The following ZNF786 variants were observed in gnomAD, a reference collection of about 807,000 sequenced individuals.
The protein encoded by ZNF786 is zinc finger protein 786.
ZNF786 carries 56 observed loss-of-function variants against 63.1 expected under a neutral mutation model. The observed-to-expected ratio is 0.89, with a 90% CI of 0.72 to 1.11. ZNF786 has a LOEUF of 1.11. Among genes scored for constraint, ZNF786 ranks in the 50% least tolerant of loss-of-function variants. The probability of loss-of-function intolerance (pLI) is 0.00; values close to 1 mark genes in which losing one functional copy is unlikely to be tolerated. For missense variants in ZNF786, 1,213 were observed against 1,041.8 expected (o/e 1.16, Z -2.26); for synonymous variants, 485 against 406.9 (o/e 1.19, Z -2.31).
rs199928657 is a variant in ZNF786 at position 149,071,231 on chromosome 7, C to T, written c.1541G>A (p.Cys514Tyr). Residue 514 changes from cysteine (C) to tyrosine (Y), a missense_variant, in exon 4 of 4, where the codon TGT (cysteine) becomes TAT (tyrosine). Transcript: ENST00000491431. The part of the protein sequence containing the change: ...GGERPFSCSE[C>Y]GRGFTHQCKL... ...GCACTGGTGGGTGAAGCCTCTGCCA[C>T]ACTCGCTACAGGAGAACGGCCTCTC... 6.2e-7 allele frequency: 1 copy of T among 1,611,324 alleles called. No homozygotes were observed. Among genetic ancestry groups the T allele is most frequent in the East Asian group, 2.2e-5 (1 of 44,810 alleles).
At chr7:149,075,074 C>G (rs1825520679) in intron 2 of ZNF786, among the ~76,000 whole-genome samples, 1 of 152,136 alleles carries the variant, frequency 6.6e-6, no homozygotes, top group East Asian at 1.9e-4. Flanking sequence ...AGCAGTCTGC[C>G]TGCCTTGGCC....
chr7:149,083,239 G>A (rs760312715), intron 1 of ZNF786, among the ~76,000 whole-genome samples: 6 of 150,210 alleles, frequency 4.0e-5, no homozygotes, highest in South Asian at 2.1e-4. Flanking sequence ...TTTTTGAGAC[G>A]GAGTTTTGCT....
At chr7:149,084,351 CAAAAAAA>C (rs60194366) in intron 1 of ZNF786, among the ~76,000 whole-genome samples, 1 of 62,294 alleles carries the variant, frequency 1.6e-5, no homozygotes, top group African/African-American at 5.3e-5. Flanking sequence ...AACTGCATCC[CAAAAAAA>C]AAAAAAAAAA....
intron 2 of ZNF786, among the ~76,000 whole-genome samples, chr7:149,079,183 C>T (rs750956617): frequency 1.3e-5 from 2 of 151,964 alleles, no homozygotes; most frequent in African/African-American, 2.4e-5. Context: ...CTGAGGAGGG[C>T]GGATCACGAG....
At position 149,071,518 on chromosome 7, in the gene ZNF786, C is replaced by A; in HGVS notation, c.1254G>T (p.Ala418=). ...AGGAGAACGGTCTCTCCCCACCGTG[C>A]GCGTGCTGGTGGACCTGCAGCAGGC... ...LRRLLQVHQH[A]HGGERPFSCR... The change falls in exon 4 of 4, where the codon GCG becomes GCT. Residue 418 remains alanine (A), a synonymous_variant. Coordinates refer to ENST00000491431, the MANE Select transcript of ZNF786 (RefSeq NM_152411.4). 1 of 1,613,302 alleles carries A rather than the reference C, an allele frequency of 6.2e-7. No individual in the cohort carries two copies. The highest frequency in any genetic ancestry group is 8.5e-7 in the Non-Finnish European group (1 of 1,179,874).
chr7:149,082,361 T>C (rs1464343330), intron 1 of ZNF786: 2 of 185,854 alleles, frequency 1.1e-5, no homozygotes, highest in African/African-American at 4.7e-5. Context: ...AAATGCAGTG[T>C]ATGCAAATGT....
chr7:149,087,698 A>G (rs146851349), intron 1 of ZNF786, among the ~76,000 whole-genome samples: 99 of 151,478 alleles, frequency 6.5e-4, no homozygotes, highest in African/African-American at 2.2e-3. Context: ...TTTCCATCTC[A>G]TTTCAGATAA....
At position 149,071,352 on chromosome 7, in the gene ZNF786, G is replaced by A. The variant is rs1477565809; in HGVS notation, c.1420C>T (p.Leu474=). The change falls in exon 4 of 4, where the codon CTG becomes TTG. Residue 474 remains leucine, a synonymous_variant. Transcript: ENST00000491431. ...QRGQLLRHQR[L]HTDEKPFQCP... ...TGAAAGGGCTTCTCGTCCGTGTGCA[G>A]CCGCTGGTGCCGCAGCAGCTGTCCC... 2 of 1,612,944 alleles carry A rather than the reference G, an allele frequency of 1.2e-6. No homozygotes were observed. The highest frequency in any genetic ancestry group is 1.7e-6 in the Non-Finnish European group (2 of 1,179,770).
intron 1 of ZNF786, among the ~76,000 whole-genome samples, chr7:149,081,767 GAGAA>G (rs1368265889): frequency 6.6e-6 from 1 of 152,076 alleles, no homozygotes; most frequent in Admixed American, 6.6e-5. Flanking sequence ...AATCAAGCAA[GAGAA>G]AGAAATAAAG....
intron 3 of ZNF786, among the ~76,000 whole-genome samples, chr7:149,073,764 TA>T (rs1825488676): frequency 9.4e-6 from 1 of 106,442 alleles, no homozygotes; most frequent in South Asian, 3.8e-4. Context: ...TATATATATA[TA>T]TATATATATA....
Position 149,071,620 on chromosome 7 carries a change from G to T in ZNF786, c.1152C>A (p.Leu384=). 6.3e-7 allele frequency: 1 copy of T among 1,589,778 alleles called. No individual in the cohort carries two copies. The highest frequency in any genetic ancestry group is 1.3e-5 in the African/African-American group (1 of 74,686). Residue 384 remains leucine (L), a synonymous_variant, in exon 4 of 4, where the codon CTC becomes CTA. Coordinates refer to ENST00000491431, the MANE Select transcript of ZNF786 (RefSeq NM_152411.4). Reference sequence around the variant, plus strand: ...CAGTATGCGCCCTGCAGGGGCTGGCGAGCCTGGCGCTCATAGGGGAGCGCT... The same window carrying T: ...CAGTATGCGCCCTGCAGGGGCTGGCTAGCCTGGCGCTCATAGGGGAGCGCT... The part of the protein sequence containing the change: ...CGERSPMSAR[L]ASPCRAHTGE...
chr7:149,080,946 A>G (rs1825641527), intron 1 of ZNF786, among the ~76,000 whole-genome samples: 2 of 152,182 alleles, frequency 1.3e-5, no homozygotes, highest in Admixed American at 6.6e-5. Context: ...ATATATACAC[A>G]TGTAGAGTAT....
intron 2 of ZNF786, among the ~76,000 whole-genome samples, chr7:149,079,295 G>C (rs922333152): frequency 2.1e-4 from 32 of 151,822 alleles, no homozygotes; most frequent in African/African-American, 7.5e-4. Flanking sequence ...TGTAGTCCCA[G>C]CTACTCGGGA....
rs1231954664 is a variant in ZNF786, at chr7:149,071,646, C to T, written c.1126G>A (p.Glu376Lys). The T allele has an allele frequency of 1.3e-6, 2 of 1,572,560 alleles. No homozygotes were observed. The highest frequency in any genetic ancestry group is 1.1e-5 in the South Asian group (1 of 87,456). Reference sequence around the variant, plus strand: ...AGCCTGGCGCTCATAGGGGAGCGCTCGCCACACTCCGAGCAGGAGCAGGGC... The same window carrying T: ...AGCCTGGCGCTCATAGGGGAGCGCTTGCCACACTCCGAGCAGGAGCAGGGC... The part of the protein sequence containing the change: ...EGPCSCSECG[E>K]RSPMSARLAS... The change falls in exon 4 of 4, where the codon GAG (glutamate) becomes AAG (lysine). Residue 376 changes from glutamate to lysine, a missense_variant. Transcript: ENST00000491431.
At position 149,072,110 on chromosome 7, in the gene ZNF786, A is replaced by C. The variant is rs1772524263; in HGVS notation, c.662T>G (p.Phe221Cys). 6.2e-7 allele frequency: 1 copy of C among 1,613,030 alleles called. No homozygotes were observed. Among genetic ancestry groups the C allele is most frequent in the Admixed American group, 1.7e-5 (1 of 59,860 alleles). ...KDRTRRAWEK[F>C]NKRAETQMPW... ...CATCTGCGTCTCCGCCCTCTTGTTG[A>C]ATTTCTCCCAGGCCCTACGTGTCCG... Residue 221 changes from phenylalanine (F) to cysteine (C), a missense_variant, in exon 4 of 4, where the codon TTC becomes TGC. Transcript: ENST00000491431.
At chr7:149,072,906 T>C (rs35376074) in intron 3 of ZNF786, among the ~76,000 whole-genome samples, 2 of 152,178 alleles carry the variant, frequency 1.3e-5, no homozygotes, top group Non-Finnish European at 2.9e-5. Flanking sequence ...GCATAGTGCA[T>C]GTACTCTGTT....
intron 1 of ZNF786, among the ~76,000 whole-genome samples, chr7:149,086,445 T>C (rs1449155339): frequency 6.6e-6 from 1 of 152,152 alleles, no homozygotes; most frequent in Non-Finnish European, 1.5e-5. Flanking sequence ...TTTGCCAATA[T>C]GGCTAAACCC....
At chr7:149,089,318 AGTTT>A (rs1309228395) in intron 1 of ZNF786, among the ~76,000 whole-genome samples, 1 of 140,724 alleles carries the variant, frequency 7.1e-6, no homozygotes, top group East Asian at 2.2e-4. Flanking sequence ...GAATGTCACA[AGTTT>A]GTTTGTTTTT....
At chr7:149,078,435 A>T (rs1825596491) in intron 2 of ZNF786, among the ~76,000 whole-genome samples, 1 of 152,184 alleles carries the variant, frequency 6.6e-6, no homozygotes, top group African/African-American at 2.4e-5. Flanking sequence ...CTGTAATCCC[A>T]GCACTTTGGG....
Sources: gnomAD v4.1 joint callset for allele counts (sites outside exome capture counted in the v4.1 genomes callset) on GRCh38, gnomAD v4.1.1 for gene constraint, MANE v1.5 for transcripts, NCBI Gene and HGNC (gene_info 2026-07-23, HGNC 2026-07-21) for gene names.